Variants in ASTN1 observed in about 807,000 individuals in gnomAD.
The protein encoded by ASTN1 is astrotactin-1.
ASTN1 carries 41 observed loss-of-function variants against 140.7 expected under a neutral mutation model. That is an observed-to-expected ratio of 0.29 (90% CI 0.23 to 0.38). ASTN1 has a LOEUF of 0.38. Ranked by LOEUF, ASTN1 falls within the 10% of genes least tolerant of loss-of-function variation. The probability of loss-of-function intolerance (pLI) is 1.00; values close to 1 mark genes in which losing one functional copy is unlikely to be tolerated. For missense variants in ASTN1, 1,479 were observed against 1,678.8 expected (o/e 0.88, Z 2.08); for synonymous variants, 640 against 652.2 (o/e 0.98, Z 0.29).
chr1:177,011,158 G>A (rs1675271907), intron 8 of ASTN1, among the ~76,000 whole-genome samples: 1 of 152,072 alleles, frequency 6.6e-6, no homozygotes, highest in Non-Finnish European at 1.5e-5. Context: ...TGTTTCTCAT[G>A]TCTCCGTACC....
intron 1 of ASTN1, among the ~76,000 whole-genome samples, chr1:177,143,045 T>C (rs1450901360): frequency 2.6e-5 from 4 of 152,204 alleles, no homozygotes; most frequent in Non-Finnish European, 4.4e-5. Flanking sequence ...CTTCTAGCTA[T>C]CTGCACAGCC....
intron 8 of ASTN1, among the ~76,000 whole-genome samples, chr1:176,973,698 A>C (rs930883806): frequency 2.0e-5 from 3 of 151,986 alleles, no homozygotes; most frequent in African/African-American, 7.3e-5. Context: ...TTCCTCAATA[A>C]CTGAGAAAAC....
At chr1:176,989,916 A>G (rs1674080078) in intron 8 of ASTN1, among the ~76,000 whole-genome samples, 2 of 151,710 alleles carry the variant, frequency 1.3e-5, no homozygotes, top group South Asian at 4.2e-4. Context: ...TTATAAGACT[A>G]CTACTCTTGT....
At chr1:176,898,047 C>T (rs979164870) in intron 16 of ASTN1, among the ~76,000 whole-genome samples, 3 of 152,170 alleles carry the variant, frequency 2.0e-5, no homozygotes, top group Non-Finnish European at 4.4e-5. Context: ...ATCGCTGGGT[C>T]CTGTCATAGC....
intron 1 of ASTN1, among the ~76,000 whole-genome samples, chr1:177,080,259 C>CA (rs11300384): frequency 0.031 from 1,495 of 47,476 alleles, 12 homozygotes; most frequent in East Asian, 0.096. Flanking sequence ...ATCACCAGGC[C>CA]AAAAAAAAAA....
intron 1 of ASTN1, among the ~76,000 whole-genome samples, chr1:177,150,676 G>A (rs1427793071): frequency 6.6e-6 from 1 of 152,140 alleles, no homozygotes; most frequent in Non-Finnish European, 1.5e-5. Context: ...GATGAGAAGG[G>A]TGTGACCCTA....
At chr1:177,151,917 CT>C (rs1683055473) in intron 1 of ASTN1, among the ~76,000 whole-genome samples, 1 of 152,080 alleles carries the variant, frequency 6.6e-6, no homozygotes, top group African/African-American at 2.4e-5. Flanking sequence ...ACAGAAGGAA[CT>C]TTTCAATAAA....
intron 1 of ASTN1, among the ~76,000 whole-genome samples, chr1:177,155,219 TA>T (rs1392142683): frequency 6.6e-6 from 1 of 152,174 alleles, no homozygotes; most frequent in Non-Finnish European, 1.5e-5. Context: ...CATGGAGGAT[TA>T]AATAGATGAA....
intron 1 of ASTN1, among the ~76,000 whole-genome samples, chr1:177,113,383 T>C (rs969578242): frequency 2.0e-5 from 3 of 152,078 alleles, no homozygotes; most frequent in Non-Finnish European, 2.9e-5. Context: ...GAACCAGAAA[T>C]GTTTCAAATT....
chr1:176,967,369 A>C (rs1672932529), intron 8 of ASTN1, among the ~76,000 whole-genome samples: 1 of 152,192 alleles, frequency 6.6e-6, no homozygotes, highest in South Asian at 2.1e-4. Flanking sequence ...TAATTCAAGA[A>C]AAAGTCTAGA....
intron 5 of ASTN1, 54 bp from the exon 6 acceptor site, chr1:177,024,786 G>A (rs2101960103): frequency 1.3e-6 from 2 of 1,576,516 alleles, no homozygotes; most frequent in South Asian, 1.1e-5. Flanking sequence ...GGCATTGAGA[G>A]TCCAACTTGG....
At chr1:177,088,380 C>T (rs376259575) in intron 1 of ASTN1, among the ~76,000 whole-genome samples, 1 of 152,042 alleles carries the variant, frequency 6.6e-6, no homozygotes, top group Non-Finnish European at 1.5e-5. Context: ...AAGGGGAAAT[C>T]GAGGCAGTTT....
At position 176,922,556 on chromosome 1, in the gene ASTN1, C is replaced by CAAAAAAAAAAAAAAAAAAAA. The variant is rs71129589; in HGVS notation, c.2671+11576_2671+11595dup. ...ACAGTGTCCACTCCAGCCCCCACTG[C>CAAAAAAAAAAAAAAAAAAAA]AAAAAAAAAAAAAAAAAAAAAAAAA... On this transcript the variant is annotated intron_variant, in intron 16 of 22. Transcript: ENST00000361833. Among the ~76,000 whole-genome samples, 20 of 77,586 alleles carry CAAAAAAAAAAAAAAAAAAAA rather than the reference C, an allele frequency of 2.6e-4. 1 individual carries two copies. The highest frequency in any genetic ancestry group is 5.5e-4 in the African/African-American group (11 of 19,826). The allele number at this position is 77,586 out of a possible 152,430, so 50.9% of individuals were successfully genotyped here. A position where few individuals can be genotyped will look rare whatever the true frequency, so the allele number is the denominator to read the frequency against.
intron 8 of ASTN1, among the ~76,000 whole-genome samples, chr1:176,977,306 T>C (rs764127972): frequency 2.0e-5 from 3 of 152,250 alleles, no homozygotes; most frequent in Non-Finnish European, 4.4e-5. Flanking sequence ...TCTTCATTTA[T>C]CTGTTTACTT....
At chr1:177,089,439 AAGAG>A (rs959935688) in intron 1 of ASTN1, among the ~76,000 whole-genome samples, 1 of 152,060 alleles carries the variant, frequency 6.6e-6, no homozygotes, top group South Asian at 2.1e-4. Context: ...GAAATAGAAA[AAGAG>A]AGAGAGAGAC....
At chr1:177,131,468 G>A (rs542316357) in intron 1 of ASTN1, among the ~76,000 whole-genome samples, 45 of 152,180 alleles carry the variant, frequency 3.0e-4, no homozygotes, top group African/African-American at 1.1e-3. Flanking sequence ...GTCACAAACT[G>A]ATAGGAACTG....
chr1:176,895,187 T>C (rs1280656594), intron 16 of ASTN1, among the ~76,000 whole-genome samples: 1 of 152,214 alleles, frequency 6.6e-6, no homozygotes, highest in Non-Finnish European at 1.5e-5. Context: ...AAGATACGAA[T>C]AGTATCTATG....
chr1:177,041,591 G>T (rs143337908), intron 2 of ASTN1, among the ~76,000 whole-genome samples: 79 of 152,230 alleles, frequency 5.2e-4, no homozygotes, highest in Middle Eastern at 6.8e-3. Context: ...GTCTATTCTG[G>T]GCCACGTTCC....
intron 2 of ASTN1, among the ~76,000 whole-genome samples, chr1:177,049,838 G>A (rs1049591106): frequency 6.6e-6 from 1 of 152,178 alleles, no homozygotes; most frequent in African/African-American, 2.4e-5. Context: ...GGGTGGTCCT[G>A]CCGTGGAAAG....
Sources: gnomAD v4.1 joint callset for allele counts (sites outside exome capture counted in the v4.1 genomes callset) on GRCh38, gnomAD v4.1.1 for gene constraint, MANE v1.5 for transcripts, NCBI Gene and HGNC (gene_info 2026-07-23, HGNC 2026-07-21) for gene names.